The following ITPRID2 variants were observed in gnomAD, a reference collection of about 807,000 sequenced individuals.
The protein encoded by ITPRID2 is ITPR interacting domain containing 2, also known as protein ITPRID2.
In ITPRID2, 60 loss-of-function variants were observed where a neutral mutation model predicts 124.3. The observed-to-expected ratio is 0.48, with a 90% CI of 0.39 to 0.60. ITPRID2 has a LOEUF of 0.60. Among genes scored for constraint, ITPRID2 ranks in the 20% least tolerant of loss-of-function variants. The pLI is 0.00. For missense variants in ITPRID2, 1,553 were observed against 1,512.2 expected (o/e 1.03, Z -0.45); for synonymous variants, 521 against 542.9 (o/e 0.96, Z 0.56).
At position 181,919,173 on chromosome 2, in the gene ITPRID2, A is replaced by G. The variant is rs935467976; in HGVS notation, c.2994-123A>G. 6 of 1,108,812 alleles carry G rather than the reference A, an allele frequency of 5.4e-6. No individual in the cohort carries two copies. In the African/African-American group the frequency reaches 9.3e-5, roughly 17 times the overall value. The allele number at this position is 1,108,812 out of a possible 1,614,324, so 68.7% of individuals were successfully genotyped here. On this transcript the variant is annotated intron_variant, in intron 13 of 17. Coordinates refer to ENST00000431877, the MANE Select transcript of ITPRID2 (RefSeq NM_001130445.3). The surrounding 1 kb of genome is among the most constrained non-coding windows in gnomAD (Gnocchi z 4.2). ...ATACACCTATTGTAGTTGATATTGT[A>G]CTAATTTCTAGAACCTGAGATTTCC...
chr2:181,918,578 C>T lies in ITPRID2; in HGVS notation c.2788-20C>T. On this transcript the variant is annotated intron_variant, in intron 11 of 17. Coordinates refer to ENST00000431877, the MANE Select transcript of ITPRID2 (RefSeq NM_001130445.3). ...ATTCACTTTAACATTGGTTTTAATC[C>T]TACTTTTACTTTTTTGAAGTACCCT... The T allele has an allele frequency of 6.2e-7, 1 of 1,612,474 alleles. No individual in the cohort carries two copies. The highest frequency in any genetic ancestry group is 8.5e-7 in the Non-Finnish European group (1 of 1,179,388).
At chr2:181,925,735 C>T (rs955370480) in intron 16 of ITPRID2, among the ~76,000 whole-genome samples, 1 of 152,142 alleles carries the variant, frequency 6.6e-6, no homozygotes, top group Non-Finnish European at 1.5e-5. Context: ...TATTCTGATT[C>T]CCTTCTGCTC....
intron 6 of ITPRID2, 62 bp from the exon 7 acceptor site, chr2:181,900,634 G>A (rs1558983246): frequency 8.9e-7 from 1 of 1,123,700 alleles, no homozygotes; most frequent in Non-Finnish European, 1.3e-6. Flanking sequence ...TTTATAATGT[G>A]GTGTGGACTA....
chr2:181,896,241 A>G lies in ITPRID2; in HGVS notation c.307+162A>G, dbSNP rs1387056861. Among the ~76,000 whole-genome samples, 1 of 152,012 alleles carries G rather than the reference A, an allele frequency of 6.6e-6. No homozygotes were observed. Among genetic ancestry groups the G allele is most frequent in the African/African-American group, 2.4e-5 (1 of 41,434 alleles). On this transcript the variant is annotated intron_variant, in intron 3 of 17. Coordinates refer to ENST00000431877, the MANE Select transcript of ITPRID2 (RefSeq NM_001130445.3). This position sits in a 1 kb window ranked among gnomAD's most constrained non-coding sequence, Gnocchi z 4.3. Reference sequence around the variant, plus strand: ...TGGAGAAACTTTGTTATAAACCGTAAAACAGTAGGGAGTTTAAGCAAATTG... The same window carrying G: ...TGGAGAAACTTTGTTATAAACCGTAGAACAGTAGGGAGTTTAAGCAAATTG...
intron 2 of ITPRID2, chr2:181,894,774 G>A (rs1218561890): frequency 6.6e-6 from 1 of 152,120 alleles, no homozygotes; most frequent in Non-Finnish European, 1.5e-5. Flanking sequence ...AGAAATGGTA[G>A]AGATTTTGAT....
Position 181,910,641 on chromosome 2 carries a change from T to C in ITPRID2, c.1486+670T>C, listed in dbSNP as rs2125087585. 1 of 688,472 alleles carries C rather than the reference T, an allele frequency of 1.5e-6. No homozygotes were observed. The highest frequency in any genetic ancestry group is 2.7e-6 in the Non-Finnish European group (1 of 373,330). 42.6% of individuals were successfully genotyped at this position (688,472 alleles called of 1,614,324 possible). A position where few individuals can be genotyped will look rare whatever the true frequency, so the allele number is the denominator to read the frequency against. On this transcript the variant is annotated intron_variant, in intron 9 of 17. Coordinates refer to ENST00000431877, the MANE Select transcript of ITPRID2 (RefSeq NM_001130445.3). The surrounding 1 kb of genome is among the most constrained non-coding windows in gnomAD (Gnocchi z 4.1). Reference sequence around the variant, plus strand: ...AATGACCACTGAAGGTAGGACTGTTTATTTTTGAAACTTTACACATGCTGA... The same window carrying C: ...AATGACCACTGAAGGTAGGACTGTTCATTTTTGAAACTTTACACATGCTGA...
intron 13 of ITPRID2, 47 bp downstream of exon 13, chr2:181,918,929 A>G (rs1393235615): frequency 6.3e-7 from 1 of 1,597,294 alleles, no homozygotes; most frequent in Non-Finnish European, 8.5e-7. Context: ...CTTTTCATTC[A>G]AAGTCTTCTC....
Position 181,916,351 on chromosome 2 carries a change from ATCC to A in ITPRID2, c.2716_2718del (p.Pro906del), listed in dbSNP as rs752793925. On this transcript the variant is annotated inframe_deletion, in exon 11 of 18. Transcript: ENST00000431877. ...TACCCTTACCGAGTGTGCTCTGTGA[ATCC>A]TCCTTCAGCCATAGAAATGCAGTTG... 5 of 1,614,102 alleles carry A rather than the reference ATCC, an allele frequency of 3.1e-6. No homozygotes were observed. The highest frequency in any genetic ancestry group is 2.7e-5 in the African/African-American group (2 of 74,930).
In ITPRID2 at chr2:181,920,649, A is replaced by G. The variant is rs780972157; in HGVS notation, c.3197A>G (p.Asn1066Ser). The G allele has an allele frequency of 6.2e-7, 1 of 1,613,232 alleles. No individual in the cohort carries two copies. Among genetic ancestry groups the G allele is most frequent in the Non-Finnish European group, 8.5e-7 (1 of 1,179,404 alleles). ...AACTTGTCATGCCCTTCTCCATTGAATGTAATGGAACCAGTAAGCTTCTTT... is the reference window on the plus strand; with the variant it reads ...AACTTGTCATGCCCTTCTCCATTGAGTGTAATGGAACCAGTAAGCTTCTTT... ...ADNLSCPSPL[N>S]VMEPVTELMQ... is the part of the protein sequence containing the mutation. The change falls in exon 15 of 18, where the codon AAT becomes AGT. Residue 1066 changes from asparagine to serine, a missense_variant. Physicochemically the swap from Asn to Ser is conservative, Grantham distance 46 (BLOSUM62 1). Transcript: ENST00000431877.
rs545816386 is a variant in ITPRID2, at chr2:181,919,648, GAA to G, written c.3144+205_3144+206del. Among the ~76,000 whole-genome samples the G allele has an allele frequency of 9.7e-3, 1,477 of 152,166 alleles. 24 individuals are homozygous for G. The highest frequency in any genetic ancestry group is 0.034 in the African/African-American group (1,423 of 41,502). Reference sequence around the variant, plus strand: ...TAAATAGTATATTTAGAAATATGTTGAAAATTTTTAATGATAAATTTTAATAA... The same window carrying G: ...TAAATAGTATATTTAGAAATATGTTGAATTTTTAATGATAAATTTTAATAA... On this transcript the variant is annotated intron_variant, in intron 14 of 17. Transcript: ENST00000431877. This position sits in a 1 kb window ranked among gnomAD's most constrained non-coding sequence, Gnocchi z 4.2.
At chr2:181,909,780 A>C in intron 8 of ITPRID2, 119 bp from the exon 9 acceptor site, 1 of 586,068 alleles carries the variant, frequency 1.7e-6, no homozygotes, top group Non-Finnish European at 2.9e-6. Flanking sequence ...GTTTGAATAT[A>C]TATATAATGT....
At chr2:181,893,332 C>T (rs1474684057) in intron 2 of ITPRID2, 1 of 152,182 alleles carries the variant, frequency 6.6e-6, no homozygotes, top group Non-Finnish European at 1.5e-5. Flanking sequence ...GCAAAATGTA[C>T]TTGTTTCTTA....
chr2:181,913,063 T>TG (rs1693732395), intron 9 of ITPRID2, among the ~76,000 whole-genome samples: 1 of 151,192 alleles, frequency 6.6e-6, no homozygotes, highest in African/African-American at 2.4e-5. Context: ...TTAATTGTAT[T>TG]TATTTATTTA....
At chr2:181,917,823 G>A (rs1391196660) in intron 11 of ITPRID2, 1 of 152,130 alleles carries the variant, frequency 6.6e-6, no homozygotes, top group African/African-American at 2.4e-5. Flanking sequence ...TCGCCCACGT[G>A]GAGTGCTGGA....
chr2:181,912,861 G>A (rs1693712106), intron 9 of ITPRID2, among the ~76,000 whole-genome samples: 1 of 152,012 alleles, frequency 6.6e-6, no homozygotes, highest in African/African-American at 2.4e-5. Flanking sequence ...AGAATTTTGA[G>A]GCAGAAAAAT....
chr2:181,923,381 T>C (rs932300247), intron 16 of ITPRID2, among the ~76,000 whole-genome samples: 1 of 152,234 alleles, frequency 6.6e-6, no homozygotes, highest in African/African-American at 2.4e-5. Flanking sequence ...ACAAGCATTA[T>C]AGCAGAAGAC....
chr2:181,923,243 T>G (rs1367735671), intron 16 of ITPRID2, among the ~76,000 whole-genome samples: 2 of 152,208 alleles, frequency 1.3e-5, no homozygotes, highest in East Asian at 3.9e-4. Context: ...TTTAAACAGC[T>G]CAATGCAATT....
Position 181,910,447 on chromosome 2 carries a change from G to A in ITPRID2, c.1486+476G>A, listed in dbSNP as rs931329973. ...TAAATTCAAACTATGGGTCGAAGGT[G>A]AGTGGTTGTAGATACTGTTCCTCTC... On this transcript the variant is annotated intron_variant, in intron 9 of 17. Coordinates refer to ENST00000431877, the MANE Select transcript of ITPRID2 (RefSeq NM_001130445.3). This position sits in a 1 kb window ranked among gnomAD's most constrained non-coding sequence, Gnocchi z 4.1. The A allele has an allele frequency of 3.0e-5, 16 of 540,394 alleles. No homozygotes were observed. Among genetic ancestry groups the A allele is most frequent in the Non-Finnish European group, 4.3e-5 (13 of 301,594 alleles). The allele number at this position is 540,394 out of a possible 1,614,324, so 33.5% of individuals were successfully genotyped here.
In ITPRID2 at chr2:181,902,427, TATA is replaced by T. The variant is rs1444887901; in HGVS notation, c.1377_1379del (p.Ile459del). 6.2e-7 allele frequency: 1 copy of T among 1,602,414 alleles called. No individual in the cohort carries two copies. Among genetic ancestry groups the T allele is most frequent in the African/African-American group, 1.3e-5 (1 of 74,144 alleles). On this transcript the variant is annotated inframe_deletion, in exon 8 of 18. Coordinates refer to ENST00000431877, the MANE Select transcript of ITPRID2 (RefSeq NM_001130445.3). The surrounding 1 kb of genome is among the most constrained non-coding windows in gnomAD (Gnocchi z 4.4). ...CACTGACAATACCATCCATAAGAAA[TATA>T]ATGACACAGCAGAAGGACTCCTTCG...
Sources: allele counts gnomAD v4.1 joint callset (sites outside exome capture counted in the v4.1 genomes callset), GRCh38; gene constraint gnomAD v4.1.1; non-coding constraint Gnocchi (gnomAD v3.1); transcripts MANE v1.5; gene names NCBI Gene and HGNC (gene_info 2026-07-23, HGNC 2026-07-21).